CMTM4: variants seen among roughly 807,000 people sequenced by gnomAD.
CMTM4 encodes CKLF like MARVEL transmembrane domain containing 4.
CMTM4 carries 8 observed loss-of-function variants against 19.0 expected under a neutral mutation model. That is an observed-to-expected ratio of 0.42 (90% confidence interval 0.25 to 0.76). CMTM4 has a LOEUF of 0.76. CMTM4 is among the 30% of genes least tolerant of loss of function. The pLI is 0.27. For synonymous variants in CMTM4, 106 were observed against 121.1 expected (o/e 0.88, Z 0.82); for missense variants, 228 against 290.2 (o/e 0.79, Z 1.56).
Position 66,619,857 on chromosome 16 carries a change from C to T in CMTM4, c.*2201G>A, listed in dbSNP as rs1006083003. 7 of 985,334 alleles carry T rather than the reference C, an allele frequency of 7.1e-6. No individual in the cohort carries two copies. Among genetic ancestry groups the T allele is most frequent in the Non-Finnish European group, 6.0e-6 (5 of 829,908 alleles). The allele number at this position is 985,334 out of a possible 1,614,324, so 61.0% of individuals were successfully genotyped here. Reference sequence around the variant, plus strand: ...ATAAATAATTCTGAAGAGTCTATCACGAAGATGCAAATTAACTCCTAAGTC... The same window carrying T: ...ATAAATAATTCTGAAGAGTCTATCATGAAGATGCAAATTAACTCCTAAGTC... On this transcript the variant is annotated 3_prime_UTR_variant, in exon 4 of 4. Coordinates refer to ENST00000394106, the MANE Select transcript of CMTM4 (RefSeq NM_181521.3).
At chr16:66,601,973 G>GGAGT in the CMTM4 span, among the ~76,000 whole-genome samples, 1 of 152,194 alleles carries the variant, frequency 6.6e-6, no homozygotes, top group Admixed American at 6.5e-5. Context: ...CCTGCTCCAT[G>GGAGT]GAGTGTGCAG....
In CMTM4 at chr16:66,616,514, TG is replaced by T. The variant is rs962710031; in HGVS notation, c.*5543del. ...AAAATGGGTTACAGAGTGAAAGAGT[TG>T]GGAACAGGCAGCCCCCTTTGGGCCT... On this transcript the variant is annotated 3_prime_UTR_variant, in exon 4 of 4. Transcript: ENST00000394106. 2 of 152,150 alleles carry T rather than the reference TG, an allele frequency of 1.3e-5. No individual in the cohort carries two copies. Among genetic ancestry groups the T allele is most frequent in the African/African-American group, 2.4e-5 (1 of 41,434 alleles). The allele number at this position is 152,150 out of a possible 1,614,324, so 9.4% of individuals were successfully genotyped here.
chr16:66,622,277 C>T lies in CMTM4; in HGVS notation c.463-55G>A. On this transcript the variant is annotated intron_variant, in intron 3 of 3. Coordinates refer to ENST00000394106, the MANE Select transcript of CMTM4 (RefSeq NM_181521.3). This position sits in a 1 kb window ranked among gnomAD's most constrained non-coding sequence, Gnocchi z 4.0. ...GGGCACGTGGCCTGGCCCCTCAAGG[C>T]TTCTGTGGTGACCCAAGCCACATGC... 6.3e-7 allele frequency: 1 copy of T among 1,585,842 alleles called. No homozygotes were observed. The highest frequency in any genetic ancestry group is 8.6e-7 in the Non-Finnish European group (1 of 1,165,414).
chr16:66,636,832 A>G (rs2016001672), intron 1 of CMTM4, among the ~76,000 whole-genome samples: 1 of 152,202 alleles, frequency 6.6e-6, no homozygotes, highest in Non-Finnish European at 1.5e-5. Context: ...ACTGAAATCA[A>G]TCTGGTGTGA....
At chr16:66,671,489 G>C (rs1034275690) in intron 1 of CMTM4, among the ~76,000 whole-genome samples, 8 of 152,184 alleles carry the variant, frequency 5.3e-5, no homozygotes, top group Non-Finnish European at 1.5e-5. Context: ...TGGTTTCATA[G>C]GAAAACATCA....
intron 1 of CMTM4, among the ~76,000 whole-genome samples, chr16:66,674,677 ACAT>A (rs1161724713): frequency 6.6e-6 from 1 of 151,238 alleles, no homozygotes; most frequent in African/African-American, 2.4e-5. Flanking sequence ...GGTGTTGAAT[ACAT>A]CATCATCTAC....
rs1255967869 is a variant in CMTM4, at chr16:66,696,379, G to A, written c.147C>T (p.Tyr49=). The change falls in exon 1 of 4, where the codon TAC becomes TAT. Residue 49 remains tyrosine (Y), a synonymous_variant. Coordinates refer to ENST00000394106, the MANE Select transcript of CMTM4 (RefSeq NM_181521.3). The surrounding 1 kb of genome is among the most constrained non-coding windows in gnomAD (Gnocchi z 4.3). The part of the protein sequence containing the change: ...GLAGLRCDPD[Y]LRGALGRLKV... ...TGAGGCGGCCGAGCGCGCCGCGCAG[G>A]TAGTCGGGGTCGCAGCGCAGGCCGG... is the stretch of plus-strand genomic sequence containing the variant. 4.9e-6 allele frequency: 7 copies of A among 1,426,892 alleles called. No individual in the cohort carries two copies. The highest frequency in any genetic ancestry group is 6.4e-6 in the Non-Finnish European group (7 of 1,092,274). The allele number at this position is 1,426,892 out of a possible 1,614,324, so 88.4% of individuals were successfully genotyped here.
At chr16:66,613,764 T>A (rs2015471189), downstream of CMTM4, 1 of 152,274 alleles carries the variant, frequency 6.6e-6, no homozygotes, top group African/African-American at 2.4e-5. Flanking sequence ...TTGGAGTGTG[T>A]GCTTGAAAAA....
At chr16:66,666,928 G>C (rs148822520) in intron 1 of CMTM4, among the ~76,000 whole-genome samples, 1 of 152,102 alleles carries the variant, frequency 6.6e-6, no homozygotes, top group Non-Finnish European at 1.5e-5. Context: ...AGGGAGGGAG[G>C]GAGTGAGGAA....
At chr16:66,647,151 T>TA (rs36018262) in intron 1 of CMTM4, among the ~76,000 whole-genome samples, 42,285 of 136,378 alleles carry the variant, frequency 0.31, 6,535 homozygotes, top group Non-Finnish European at 0.35. Flanking sequence ...CCGCCTCTAC[T>TA]AAAAAAAAAA....
Position 66,620,429 on chromosome 16 carries a change from C to T in CMTM4, c.*1629G>A, listed in dbSNP as rs938090958. 4.1e-6 allele frequency: 4 copies of T among 985,316 alleles called. No individual in the cohort carries two copies. In the African/African-American group the frequency reaches 7.0e-5, roughly 17 times the overall value. 61.0% of individuals were successfully genotyped at this position (985,316 alleles called of 1,614,324 possible). A position where few individuals can be genotyped will look rare whatever the true frequency, so the allele number is the denominator to read the frequency against. ...CTGGGACACTGCTCCCAACTCAGAT[C>T]GTACTGAAGGTGTTGGTGCAGGAAG... On this transcript the variant is annotated 3_prime_UTR_variant, in exon 4 of 4. Transcript: ENST00000394106.
chr16:66,601,021 A>C, the CMTM4 span, among the ~76,000 whole-genome samples: 1 of 152,110 alleles, frequency 6.6e-6, no homozygotes, highest in Non-Finnish European at 1.5e-5. Flanking sequence ...AGGGAAGCAC[A>C]GCAAAGAGTT....
Position 66,621,583 on chromosome 16 carries a change from G to A in CMTM4, c.*475C>T. 1 of 989,418 alleles carries A rather than the reference G, an allele frequency of 1.0e-6. No individual in the cohort carries two copies. The highest frequency in any genetic ancestry group is 1.2e-6 in the Non-Finnish European group (1 of 831,982). 61.3% of individuals were successfully genotyped at this position (989,418 alleles called of 1,614,324 possible). A position where few individuals can be genotyped will look rare whatever the true frequency, so the allele number is the denominator to read the frequency against. ...GCTGGCTGCCTGGGGGCCCTGGCAT[G>A]GAAGATGAGGAGTGGGCTGGATCCC... On this transcript the variant is annotated 3_prime_UTR_variant, in exon 4 of 4. Transcript: ENST00000394106.
At chr16:66,688,114 T>C (rs1335322738) in intron 1 of CMTM4, among the ~76,000 whole-genome samples, 2 of 152,180 alleles carry the variant, frequency 1.3e-5, no homozygotes, top group African/African-American at 2.4e-5. Flanking sequence ...ACTTTCTATG[T>C]GTCCTCACAT....
At chr16:66,605,486 T>A in the CMTM4 span, 2 of 152,620 alleles carry the variant, frequency 1.3e-5, no homozygotes, top group African/African-American at 4.8e-5. The surrounding 1 kb of genome is among the most constrained non-coding windows in gnomAD (Gnocchi z 4.6). Flanking sequence ...GGCTCCTTCC[T>A]ACTCCGCCCT....
At position 66,617,612 on chromosome 16, in the gene CMTM4, A is replaced by G; in HGVS notation, c.*4446T>C. On this transcript the variant is annotated 3_prime_UTR_variant, in exon 4 of 4. Transcript: ENST00000394106. Reference sequence around the variant, plus strand: ...TAAATAAAAGAAACATAAAAGGTCAAATATTTTAAATTACTTTCTCAACCA... The same window carrying G: ...TAAATAAAAGAAACATAAAAGGTCAGATATTTTAAATTACTTTCTCAACCA... The G allele has an allele frequency of 8.2e-7, 1 of 1,212,276 alleles. No individual in the cohort carries two copies. Among genetic ancestry groups the G allele is most frequent in the Non-Finnish European group, 1.0e-6 (1 of 967,938 alleles). The allele number at this position is 1,212,276 out of a possible 1,614,324, so 75.1% of individuals were successfully genotyped here. A position where few individuals can be genotyped will look rare whatever the true frequency, so the allele number is the denominator to read the frequency against.
At chr16:66,692,732 C>G (rs1336669958) in intron 1 of CMTM4, among the ~76,000 whole-genome samples, 1 of 151,966 alleles carries the variant, frequency 6.6e-6, no homozygotes, top group Non-Finnish European at 1.5e-5. Context: ...ATGGGGAAAC[C>G]CCATCTCTAC....
intron 1 of CMTM4, among the ~76,000 whole-genome samples, chr16:66,693,837 A>G (rs576124330): frequency 1.3e-5 from 2 of 152,120 alleles, no homozygotes; most frequent in Non-Finnish European, 2.9e-5. Context: ...CCTGGGCAAC[A>G]TAGTGAAACC....
intron 1 of CMTM4, among the ~76,000 whole-genome samples, chr16:66,671,011 G>C (rs1226126729): frequency 6.6e-6 from 1 of 152,044 alleles, no homozygotes; most frequent in Non-Finnish European, 1.5e-5. Context: ...TTCTACATCA[G>C]TCTGACTTTT....
Sources: gnomAD v4.1 joint callset for allele counts (sites outside exome capture counted in the v4.1 genomes callset) on GRCh38, gnomAD v4.1.1 for gene constraint, Gnocchi (gnomAD v3.1) non-coding constraint, MANE v1.5 for transcripts, NCBI Gene and HGNC (gene_info 2026-07-23, HGNC 2026-07-21) for gene names.